RNF17: variants seen among roughly 807,000 people sequenced by gnomAD.
RNF17 encodes spermatogenesis associated 23.
In RNF17, 31 loss-of-function variants were observed where a neutral mutation model predicts 200.5. The observed-to-expected ratio is 0.15, with a 90% CI of 0.12 to 0.21. The LOEUF is 0.21. Ranked by LOEUF, RNF17 falls within the 10% of genes least tolerant of loss-of-function variation. RNF17 has a pLI of 1.00. For synonymous variants in RNF17, 606 were observed against 637.8 expected (o/e 0.95, Z 0.75); for missense variants, 1,628 against 1,905.1 (o/e 0.85, Z 2.71).
chr13:24,863,139 C>T (rs1893264573), intron 28 of RNF17, among the ~76,000 whole-genome samples: 1 of 152,126 alleles, frequency 6.6e-6, no homozygotes, highest in Non-Finnish European at 1.5e-5. Flanking sequence ...GTCTCGGGTC[C>T]AGGTAATTCT....
chr13:24,794,170 A>G (rs1184038498), intron 10 of RNF17: 1 of 456,338 alleles, frequency 2.2e-6, no homozygotes, highest in African/African-American at 2.0e-5. Flanking sequence ...GGCACAGATG[A>G]TCTTGGGGAG....
chr13:24,796,379 A>G lies in RNF17; in HGVS notation c.1399+84A>G, dbSNP rs562039468. On this transcript the variant is annotated intron_variant, in intron 11 of 35. Transcript: ENST00000255324. ...GGCCAACCCACATAAGACTTGTTAT[A>G]ATATAGATTTTTGCTCTAAGTTCAT... is the stretch of plus-strand genomic sequence containing the variant. The G allele has an allele frequency of 4.4e-4, 388 of 880,596 alleles. 4 individuals carry two copies. The South Asian group carries it at 5.6e-3, about 13-fold the overall frequency. The allele number at this position is 880,596 out of a possible 1,614,324, so 54.5% of individuals were successfully genotyped here.
chr13:24,800,395 A>G lies in RNF17; in HGVS notation c.1619A>G (p.His540Arg). The change falls in exon 13 of 36, where the codon CAC becomes CGC. Residue 540 changes from histidine (H) to arginine (R), a missense_variant. Physicochemically the swap from His to Arg is conservative, Grantham distance 29. This residue lies in a region of RNF17 where 289 missense variants were observed against 384.9 expected (regional missense o/e 0.75). Coordinates refer to ENST00000255324, the MANE Select transcript of RNF17 (RefSeq NM_031277.3). ...GVVDTHVRPE[H>R]SAKQHIALND... is the part of the protein sequence containing the mutation. Reference sequence around the variant, plus strand: ...GTTGATACCCATGTGAGACCAGAACACTCTGCTAAGCAACATATTGCACTA... The same window carrying G: ...GTTGATACCCATGTGAGACCAGAACGCTCTGCTAAGCAACATATTGCACTA... The G allele has an allele frequency of 1.2e-6, 2 of 1,608,836 alleles. No individual in the cohort carries two copies. Among genetic ancestry groups the G allele is most frequent in the Non-Finnish European group, 1.7e-6 (2 of 1,176,672 alleles).
At chr13:24,851,634 A>G in intron 24 of RNF17, 63 bp downstream of exon 24, 1 of 948,306 alleles carries the variant, frequency 1.1e-6, no homozygotes, top group Non-Finnish European at 1.6e-6. Flanking sequence ...TGCGTGTGCA[A>G]ATCTTATGTG....
chr13:24,840,728 A>G (rs540996489), intron 18 of RNF17, among the ~76,000 whole-genome samples: 2 of 151,382 alleles, frequency 1.3e-5, no homozygotes, highest in South Asian at 4.2e-4. Flanking sequence ...GGACTTTAGG[A>G]ACTTGGGGGT....
intron 15 of RNF17, among the ~76,000 whole-genome samples, chr13:24,824,760 A>G (rs1025448917): frequency 6.6e-6 from 1 of 152,226 alleles, no homozygotes; most frequent in Non-Finnish European, 1.5e-5. Context: ...GTAGCACCAC[A>G]TAAATTCTTA....
At chr13:24,824,265 C>T in intron 15 of RNF17, 1 of 703,050 alleles carries the variant, frequency 1.4e-6, no homozygotes, top group Non-Finnish European at 2.6e-6. Flanking sequence ...GGAAGAAGAA[C>T]TTAAAGCTTC....
rs1446294 is a variant in RNF17 at position 24,796,117 on chromosome 13, A to G, written c.1241-20A>G. On this transcript the variant is annotated intron_variant, in intron 10 of 35. Transcript: ENST00000255324. The stretch of plus-strand genomic sequence containing the variant: ...TTCTAACTCATGGTTTATTAATGTG[A>G]CTTAAACATTTTTATCCAGGTTCTG... 0.86 allele frequency: 1,348,530 copies of G among 1,568,492 alleles called. 580,386 individuals carry two copies. The highest frequency in any genetic ancestry group is 0.94 in the Middle Eastern group (5,505 of 5,836).
chr13:24,850,561 G>A, intron 23 of RNF17, 118 bp downstream of exon 23: 1 of 670,506 alleles, frequency 1.5e-6, no homozygotes, highest in South Asian at 2.3e-5. Context: ...TACAAATTTT[G>A]TCGGTTTTAT....
chr13:24,810,024 G>A (rs1347022615), intron 15 of RNF17, among the ~76,000 whole-genome samples: 1 of 151,004 alleles, frequency 6.6e-6, no homozygotes, highest in African/African-American at 2.4e-5. Context: ...TATAATTTCT[G>A]TTCTTTTACA....
chr13:24,777,479 G>A (rs1249167224), intron 3 of RNF17, among the ~76,000 whole-genome samples: 1 of 151,982 alleles, frequency 6.6e-6, no homozygotes, highest in African/African-American at 2.4e-5. Flanking sequence ...ACCAGCCTGG[G>A]CAACACAGTG....
At chr13:24,846,974 C>T (rs1252810548) in intron 22 of RNF17, among the ~76,000 whole-genome samples, 4 of 151,138 alleles carry the variant, frequency 2.6e-5, no homozygotes, top group Non-Finnish European at 4.4e-5. Flanking sequence ...CTAAAAGATT[C>T]GAAAGACCCT....
chr13:24,862,072 A>G (rs548008820), intron 27 of RNF17, among the ~76,000 whole-genome samples: 5 of 152,304 alleles, frequency 3.3e-5, no homozygotes, highest in South Asian at 2.1e-4. Flanking sequence ...AGAACTCACA[A>G]TCAGCATGGG....
At position 24,850,382 on chromosome 13, in the gene RNF17, A is replaced by T. The variant is rs1479957222; in HGVS notation, c.3143A>T (p.Asp1048Val). 1 of 1,613,670 alleles carries T rather than the reference A, an allele frequency of 6.2e-7. No homozygotes were observed. The highest frequency in any genetic ancestry group is 2.2e-5 in the East Asian group (1 of 44,856). ...GSDKWTATAC[D>V]CLSLYLTGAV... ...GACAAGTGGACAGCAACAGCTTGTG[A>T]CTGTCTTTCATTGTACCTGACTGGA... The change falls in exon 23 of 36, where the codon GAC becomes GTC. Residue 1048 changes from aspartate to valine, a missense_variant. Asp to Val is a radical substitution (Grantham distance 152). Around this residue, in one of 5 missense-constraint regions of RNF17, gnomAD observed 227 missense variants for 319.8 expected, o/e 0.71. Transcript: ENST00000255324.
At chr13:24,763,796 A>C (rs1879117483), upstream of RNF17, among the ~76,000 whole-genome samples, 1 of 152,214 alleles carries the variant, frequency 6.6e-6, no homozygotes, top group Non-Finnish European at 1.5e-5. Context: ...GCTATTGGCC[A>C]AGCCCTGGAT....
intron 3 of RNF17, among the ~76,000 whole-genome samples, chr13:24,776,209 A>C (rs143574091): frequency 5.9e-5 from 9 of 152,230 alleles, no homozygotes; most frequent in Admixed American, 5.9e-4. Context: ...TCCATAACCT[A>C]TCTTCATTTC....
intron 16 of RNF17, among the ~76,000 whole-genome samples, chr13:24,827,730 A>AAAAC (rs1888894362): frequency 6.8e-6 from 1 of 147,138 alleles, no homozygotes; most frequent in Non-Finnish European, 1.5e-5. Context: ...AAAAAAAAAA[A>AAAAC]ACAATAGAAA....
downstream of RNF17, chr13:24,883,407 A>T (rs777634615): frequency 4.1e-6 from 6 of 1,453,026 alleles, no homozygotes; most frequent in African/African-American, 1.4e-5. Context: ...CTTAAAAAAA[A>T]AATAATAGAA....
downstream of RNF17, chr13:24,884,340 T>A: frequency 6.2e-7 from 1 of 1,614,226 alleles, no homozygotes; most frequent in Non-Finnish European, 8.5e-7. Context: ...TGGTCTGGCA[T>A]GACCTGCTTC....
Sources: gnomAD v4.1 joint callset for allele counts (sites outside exome capture counted in the v4.1 genomes callset) on GRCh38, gnomAD v4.1.1 for gene constraint, gnomAD v4.1.1 regional missense constraint, MANE v1.5 for transcripts, NCBI Gene and HGNC (gene_info 2026-07-23, HGNC 2026-07-21) for gene names.